The following SPTAN1 variants were observed in gnomAD, a reference collection of about 807,000 sequenced individuals.
The protein encoded by SPTAN1 is spectrin alpha chain, non-erythrocytic 1.
Under a neutral mutation model 331.3 loss-of-function variants are expected in SPTAN1, and 61 were observed. The ratio of observed to expected loss-of-function variants is 0.18; its 90% confidence interval spans 0.15 to 0.23. The LOEUF (loss-of-function observed/expected upper bound fraction) is 0.23, where lower values mean the gene tolerates loss of function less well. SPTAN1 is among the 10% of genes least tolerant of loss of function. The pLI is 1.00. For missense variants in SPTAN1, 2,043 were observed against 3,147.9 expected (o/e 0.65, Z 8.40); for synonymous variants, 1,153 against 1,173.9 (o/e 0.98, Z 0.36).
intron 27 of SPTAN1, among the ~76,000 whole-genome samples, chr9:128,603,108 C>G (rs908116130): frequency 1.3e-5 from 2 of 152,048 alleles, no homozygotes; most frequent in Admixed American, 6.6e-5. Flanking sequence ...AACCCAGTAA[C>G]TATAATTGGA....
chr9:128,616,631 G>A (rs185688203), intron 41 of SPTAN1, among the ~76,000 whole-genome samples: 21 of 151,608 alleles, frequency 1.4e-4, no homozygotes, highest in African/African-American at 4.6e-4. Context: ...GCCAGGTGTG[G>A]TAGCAGGCGC....
intron 15 of SPTAN1, 47 bp from the exon 16 acceptor site, chr9:128,583,740 GA>G (rs1852227540): frequency 1.3e-6 from 2 of 1,594,932 alleles, no homozygotes; most frequent in East Asian, 2.2e-5. Context: ...AGTGTTGGCA[GA>G]AGGGTAATGC....
chr9:128,591,132 G>C (rs1379982387), intron 21 of SPTAN1, among the ~76,000 whole-genome samples: 2 of 151,892 alleles, frequency 1.3e-5, no homozygotes, highest in African/African-American at 4.8e-5. Flanking sequence ...CGCAATCTCA[G>C]CTCACTGCAA....
chr9:128,582,452 A>T, intron 12 of SPTAN1, 27 bp from the exon 13 acceptor site: 3 of 1,609,552 alleles, frequency 1.9e-6, no homozygotes, highest in Middle Eastern at 3.3e-4. Flanking sequence ...GTGCTTACCA[A>T]TGAAGAACTC....
chr9:128,595,492 A>G (rs374077887), intron 24 of SPTAN1, among the ~76,000 whole-genome samples: 2 of 152,284 alleles, frequency 1.3e-5, no homozygotes, highest in East Asian at 3.9e-4. Context: ...TGTTCTCTAC[A>G]TGTTGTTATA....
intron 1 of SPTAN1, among the ~76,000 whole-genome samples, chr9:128,556,046 C>A (rs1848602392): frequency 6.6e-6 from 1 of 151,806 alleles, no homozygotes; most frequent in African/African-American, 2.4e-5. Context: ...ATAGTGAAAC[C>A]CCATCTCTAC....
At chr9:128,614,444 T>C (rs1433969480) in intron 40 of SPTAN1, among the ~76,000 whole-genome samples, 1 of 151,140 alleles carries the variant, frequency 6.6e-6, no homozygotes, top group Non-Finnish European at 1.5e-5. Flanking sequence ...TACAAAAAAT[T>C]AGCAGGGCGT....
intron 44 of SPTAN1, among the ~76,000 whole-genome samples, chr9:128,619,495 G>A (rs750735256): frequency 2.0e-5 from 3 of 152,174 alleles, no homozygotes; most frequent in Non-Finnish European, 2.9e-5. Flanking sequence ...GGCACCAGGC[G>A]CCCTTGGCAT....
intron 48 of SPTAN1, 100 bp from the exon 49 acceptor site, chr9:128,626,291 C>G: frequency 7.1e-7 from 1 of 1,411,018 alleles, no homozygotes; most frequent in Non-Finnish European, 9.9e-7. Context: ...AGGCTGTGTG[C>G]GCCTCTGATT....
Position 128,606,737 on chromosome 9 carries a change from C to T in SPTAN1, c.4047-867C>T, listed in dbSNP as rs188816972. ...CTGACCTCAGGTGATCCACCCACCTCGGCCTCCCAAAGTGCTGGGATTACA... is the reference window on the plus strand; with the variant it reads ...CTGACCTCAGGTGATCCACCCACCTTGGCCTCCCAAAGTGCTGGGATTACA... On this transcript the variant is annotated intron_variant, in intron 31 of 56. Coordinates refer to ENST00000372739, the MANE Select transcript of SPTAN1 (RefSeq NM_001130438.3). Among the ~76,000 whole-genome samples the T allele has an allele frequency of 9.0e-3, 1,370 of 152,124 alleles. 12 individuals carry two copies. Among genetic ancestry groups the T allele is most frequent in the Middle Eastern group, 0.02 (6 of 294 alleles).
chr9:128,574,744 C>G lies in SPTAN1; in HGVS notation c.433C>G (p.Leu145Val), dbSNP rs754419719. 6.2e-7 allele frequency: 1 copy of G among 1,614,054 alleles called. No individual in the cohort carries two copies. The highest frequency in any genetic ancestry group is 1.7e-5 in the Admixed American group (1 of 60,004). The change falls in exon 4 of 57, where the codon CTG (leucine) becomes GTG (valine). Residue 145 changes from leucine (L) to valine (V), a missense_variant. By Grantham distance (32) the Leu-to-Val change is conservative. Coordinates refer to ENST00000372739, the MANE Select transcript of SPTAN1 (RefSeq NM_001130438.3). ...GAAGATGCGAGAAAAAGGAATCAAA[C>G]TGCTGCAGGCCCAGAAGTTGGTGCA... The part of the protein sequence containing the change: ...LEKMREKGIK[L>V]LQAQKLVQYL...
At chr9:128,609,595 A>T (rs1856340319) in intron 36 of SPTAN1, 56 bp from the exon 37 acceptor site, 4 of 1,413,232 alleles carry the variant, frequency 2.8e-6, no homozygotes, top group Non-Finnish European at 3.8e-6. Context: ...TTAATAGCTG[A>T]TATGTGTGTC....
At chr9:128,620,100 C>A (rs1376638685) in intron 44 of SPTAN1, among the ~76,000 whole-genome samples, 3 of 152,230 alleles carry the variant, frequency 2.0e-5, no homozygotes, top group Non-Finnish European at 4.4e-5. Flanking sequence ...CCTCACACAT[C>A]ATCCTCACTG....
chr9:128,583,286 G>A lies in SPTAN1; in HGVS notation c.2011+5G>A. ...TAGAGGCCACTGAACTGAAAGGTAA[G>A]AGATGTTCCATTGAATTGTGACATG... On this transcript the variant is annotated splice_donor_5th_base_variant and intron_variant, in intron 15 of 56. Coordinates refer to ENST00000372739, the MANE Select transcript of SPTAN1 (RefSeq NM_001130438.3). The A allele has an allele frequency of 6.2e-7, 1 of 1,613,352 alleles. No homozygotes were observed. Among genetic ancestry groups the A allele is most frequent in the Non-Finnish European group, 8.5e-7 (1 of 1,179,860 alleles).
chr9:128,598,669 A>C (rs998166300), intron 25 of SPTAN1, 165 bp downstream of exon 25: 1 of 714,234 alleles, frequency 1.4e-6, no homozygotes, highest in Non-Finnish European at 2.5e-6. Flanking sequence ...TAACTTCTTT[A>C]TACCCATATC....
At chr9:128,563,002 A>G (rs1306373187) in intron 1 of SPTAN1, among the ~76,000 whole-genome samples, 122 of 46,456 alleles carry the variant, frequency 2.6e-3, no homozygotes, top group African/African-American at 9.0e-3. Flanking sequence ...GTATATATAT[A>G]TATATATATA....
chr9:128,563,319 G>A (rs1427902732), intron 1 of SPTAN1, among the ~76,000 whole-genome samples: 1 of 152,048 alleles, frequency 6.6e-6, no homozygotes, highest in Non-Finnish European at 1.5e-5. Flanking sequence ...AGGAGGCTGA[G>A]GCGGGAGGAT....
At chr9:128,586,604 C>G (rs985592226) in intron 19 of SPTAN1, among the ~76,000 whole-genome samples, 1 of 151,924 alleles carries the variant, frequency 6.6e-6, no homozygotes, top group African/African-American at 2.4e-5. Context: ...TATATACATA[C>G]CTACAAACAT....
Position 128,632,898 on chromosome 9 carries a change from C to T in SPTAN1, c.7251C>T (p.Ala2417=), listed in dbSNP as rs761619635. The change falls in exon 56 of 57, where the codon GCC becomes GCT. Residue 2417 remains alanine, a synonymous_variant. Coordinates refer to ENST00000372739, the MANE Select transcript of SPTAN1 (RefSeq NM_001130438.3). ...NVKSSEEIES[A]FRALSSEGKP... is the part of the protein sequence containing the mutation. ...AGTCCAGCGAGGAGATTGAGAGCGC[C>T]TTCCGGGCCCTCAGCTCAGAGGGAA... The T allele has an allele frequency of 1.9e-6, 3 of 1,613,750 alleles. No homozygotes were observed. Among genetic ancestry groups the T allele is most frequent in the Non-Finnish European group, 1.7e-6 (2 of 1,180,050 alleles).
Sources: gnomAD v4.1 joint callset for allele counts (sites outside exome capture counted in the v4.1 genomes callset) on GRCh38, gnomAD v4.1.1 for gene constraint, MANE v1.5 for transcripts, NCBI Gene and HGNC (gene_info 2026-07-23, HGNC 2026-07-21) for gene names.